Variants in SHQ1 observed in about 807,000 individuals in gnomAD.
SHQ1 encodes protein SHQ1 homolog.
SHQ1 carries 49 observed loss-of-function variants against 53.8 expected under a neutral mutation model. The ratio of observed to expected loss-of-function variants is 0.91; its 90% CI spans 0.72 to 1.16. The LOEUF (loss-of-function observed/expected upper bound fraction) is 1.16, where lower values mean the gene tolerates loss of function less well. Ranked by LOEUF, SHQ1 falls within the 50% of genes most tolerant of loss-of-function variation. The probability of loss-of-function intolerance (pLI) is 0.00; values close to 1 mark genes in which losing one functional copy is unlikely to be tolerated. For synonymous variants in SHQ1, 243 were observed against 251.0 expected (o/e 0.97, Z 0.30); for missense variants, 738 against 683.1 (o/e 1.08, Z -0.90).
At chr3:72,772,812 T>G in intron 10 of SHQ1, 1 of 766,868 alleles carries the variant, frequency 1.3e-6, no homozygotes, top group East Asian at 2.4e-5. Flanking sequence ...TGGATGCAAC[T>G]GAAAACTCAG....
intron 4 of SHQ1, among the ~76,000 whole-genome samples, chr3:72,837,062 G>A (rs1204503247): frequency 1.3e-5 from 2 of 152,192 alleles, no homozygotes; most frequent in African/African-American, 2.4e-5. Flanking sequence ...GCAGTCCCAG[G>A]AGCTTGCTGG....
intron 10 of SHQ1, chr3:72,753,412 C>T: frequency 1.0e-6 from 1 of 985,356 alleles, no homozygotes; most frequent in Non-Finnish European, 1.2e-6. Flanking sequence ...CCTGCATGTA[C>T]CTGAAATGCT....
chr3:72,766,031 C>T (rs1042850412), intron 10 of SHQ1, among the ~76,000 whole-genome samples: 1 of 152,100 alleles, frequency 6.6e-6, no homozygotes, highest in African/African-American at 2.4e-5. Flanking sequence ...AAAAACAACA[C>T]AGAACTCAAA....
downstream of SHQ1, among the ~76,000 whole-genome samples, chr3:72,745,665 G>A (rs556986538): frequency 1.3e-5 from 2 of 152,222 alleles, no homozygotes; most frequent in East Asian, 3.9e-4. Flanking sequence ...GCCCTGTTCA[G>A]CTCTGGGAAG....
downstream of SHQ1, among the ~76,000 whole-genome samples, chr3:72,748,477 G>A (rs1444780634): frequency 6.6e-6 from 1 of 151,866 alleles, no homozygotes; most frequent in Non-Finnish European, 1.5e-5. Flanking sequence ...GATTGCTTGA[G>A]CTCAGGAGTT....
At chr3:72,800,118 C>A (rs1281305176) in intron 9 of SHQ1, among the ~76,000 whole-genome samples, 1 of 152,132 alleles carries the variant, frequency 6.6e-6, no homozygotes, top group East Asian at 1.9e-4. Flanking sequence ...ATGTTAACGA[C>A]AATTAGGACT....
intron 10 of SHQ1, among the ~76,000 whole-genome samples, chr3:72,761,422 C>T (rs2106718731): frequency 6.6e-6 from 1 of 152,242 alleles, no homozygotes. Context: ...CCCTCCTGCC[C>T]CAGCCTCCCA....
Position 72,749,975 on chromosome 3 carries a change from GCA to G in SHQ1, c.*307_*308del. 3.0e-6 allele frequency: 1 copy of G among 338,082 alleles called. No individual in the cohort carries two copies. The highest frequency in any genetic ancestry group is 5.4e-6 in the Non-Finnish European group (1 of 185,536). 20.9% of individuals were successfully genotyped at this position (338,082 alleles called of 1,614,324 possible). On this transcript the variant is annotated 3_prime_UTR_variant, in exon 11 of 11. Coordinates refer to ENST00000325599, the MANE Select transcript of SHQ1 (RefSeq NM_018130.3). ...GCATATAACCTACCCACATCCTCCT[GCA>G]CAGTTTAAATCATCACTAGATTACT...
intron 9 of SHQ1, among the ~76,000 whole-genome samples, chr3:72,804,563 C>T (rs1005868565): frequency 6.6e-6 from 1 of 152,144 alleles, no homozygotes; most frequent in Non-Finnish European, 1.5e-5. Context: ...AGAGCTAAGA[C>T]CAAGTCATAA....
At chr3:72,816,281 C>G (rs1313073172) in intron 7 of SHQ1, among the ~76,000 whole-genome samples, 1 of 152,066 alleles carries the variant, frequency 6.6e-6, no homozygotes, top group Admixed American at 6.5e-5. Flanking sequence ...TAGACACACG[C>G]GCACACTGAA....
chr3:72,755,101 G>A (rs1024555546), intron 10 of SHQ1, among the ~76,000 whole-genome samples: 1 of 152,184 alleles, frequency 6.6e-6, no homozygotes, highest in Non-Finnish European at 1.5e-5. Flanking sequence ...GTAACAGGCA[G>A]AAAAGTGGTG....
the SHQ1 span, among the ~76,000 whole-genome samples, chr3:72,727,520 C>T: frequency 1.3e-5 from 2 of 152,312 alleles, no homozygotes; most frequent in East Asian, 3.9e-4. Flanking sequence ...AATGGCCACA[C>T]ATCAGAGCTA....
At chr3:72,818,956 T>C (rs766868706) in intron 6 of SHQ1, among the ~76,000 whole-genome samples, 1 of 152,130 alleles carries the variant, frequency 6.6e-6, no homozygotes, top group Non-Finnish European at 1.5e-5. Flanking sequence ...AAGAAGACCT[T>C]GAGCTCCAGG....
intron 10 of SHQ1, among the ~76,000 whole-genome samples, chr3:72,785,412 G>A (rs9830300): frequency 0.025 from 3,851 of 152,284 alleles, 172 homozygotes; most frequent in African/African-American, 0.089. Flanking sequence ...GAGGCAAGAG[G>A]TTCACTTGAG....
chr3:72,775,217 C>T (rs997693310), intron 10 of SHQ1, among the ~76,000 whole-genome samples: 3 of 151,610 alleles, frequency 2.0e-5, no homozygotes, highest in East Asian at 3.9e-4. Flanking sequence ...AGAGAGACAG[C>T]ATGATTATCA....
At chr3:72,737,854 T>G in the SHQ1 span, among the ~76,000 whole-genome samples, 4 of 152,244 alleles carry the variant, frequency 2.6e-5, no homozygotes, top group Non-Finnish European at 5.9e-5. Context: ...GGCTGTGCCT[T>G]ACAAATGAAG....
rs1340304526 is a variant in SHQ1, at chr3:72,749,536, A to AAT, written c.*746_*747dup. The AAT allele has an allele frequency of 4.5e-6, 1 of 220,158 alleles. No homozygotes were observed. Among genetic ancestry groups the AAT allele is most frequent in the African/African-American group, 2.2e-5 (1 of 44,626 alleles). The allele number at this position is 220,158 out of a possible 1,614,324, so 13.6% of individuals were successfully genotyped here. A position where few individuals can be genotyped will look rare whatever the true frequency, so the allele number is the denominator to read the frequency against. On this transcript the variant is annotated 3_prime_UTR_variant, in exon 11 of 11. Transcript: ENST00000325599. ...CATAGAATTCTAGGACATGCAAACT[A>AAT]ATAACAGGGCACAAGGGCACTTGGG... is the stretch of plus-strand genomic sequence containing the variant.
chr3:72,803,799 A>C (rs1435528655), intron 9 of SHQ1, among the ~76,000 whole-genome samples: 2 of 152,222 alleles, frequency 1.3e-5, no homozygotes, highest in African/African-American at 4.8e-5. Context: ...ATTTCAAATA[A>C]TTTTCCCAAG....
downstream of SHQ1, among the ~76,000 whole-genome samples, chr3:72,745,893 A>G (rs1227689603): frequency 2.7e-5 from 4 of 148,100 alleles, no homozygotes; most frequent in South Asian, 2.1e-4. Flanking sequence ...CCCAGGCTGG[A>G]GTGCAGTGGC....
Sources: gnomAD v4.1 joint callset for allele counts (sites outside exome capture counted in the v4.1 genomes callset) on GRCh38, gnomAD v4.1.1 for gene constraint, MANE v1.5 for transcripts, NCBI Gene and HGNC (gene_info 2026-07-23, HGNC 2026-07-21) for gene names.